Variants in CATSPERE observed in about 807,000 individuals in gnomAD.
The protein encoded by CATSPERE is cation channel sperm-associated auxiliary subunit epsilon.
CATSPERE carries 93 observed loss-of-function variants against 114.1 expected under a neutral mutation model. That is an observed-to-expected ratio of 0.81 (90% CI 0.69 to 0.97). The LOEUF is 0.97. Among genes scored for constraint, CATSPERE ranks in the 50% least tolerant of loss-of-function variants. The pLI, the probability that CATSPERE is intolerant of heterozygous loss-of-function variation, is 0.00. For synonymous variants in CATSPERE, 341 were observed against 384.1 expected, an observed-to-expected ratio of 0.89 and a Z score of 1.31; for missense variants, 1,058 against 1,131.6, an observed-to-expected ratio of 0.93 and a Z score of 0.93.
intron 3 of CATSPERE, 47 bp from the exon 4 acceptor site, chr1:244,477,859 T>C: frequency 7.2e-7 from 1 of 1,385,338 alleles, no homozygotes. Context: ...ATTTTATTAA[T>C]ATCATATGCA....
rs1309421786 is a variant in CATSPERE, at chr1:244,639,966, T to C, written c.2741T>C (p.Leu914Pro). The stretch of plus-strand genomic sequence containing the variant: ...CTGGTAGCTTCTTTCCTCTTCGTCC[T>C]GATGCTGCTCTTCTTCACTATTCTT... The part of the protein sequence containing the change: ...VYLVASFLFV[L>P]MLLFFTILVL... The change falls in exon 22 of 22, where the codon CTG (leucine) becomes CCG (proline). Residue 914 changes from leucine (L) to proline (P), a missense_variant. Physicochemically the swap from Leu to Pro is moderately conservative, Grantham distance 98. This residue lies in a region of CATSPERE where 787 missense variants were observed against 905.6 expected (regional missense o/e 0.87). Coordinates refer to ENST00000366534, the MANE Select transcript of CATSPERE (RefSeq NM_001130957.2). The C allele has an allele frequency of 6.4e-7, 1 of 1,550,924 alleles. No individual in the cohort carries two copies. Among genetic ancestry groups the C allele is most frequent in the Non-Finnish European group, 8.7e-7 (1 of 1,146,870 alleles).
intron 8 of CATSPERE, among the ~76,000 whole-genome samples, chr1:244,535,064 C>T (rs1181419477): frequency 6.6e-6 from 1 of 152,188 alleles, no homozygotes; most frequent in East Asian, 1.9e-4. Context: ...TCTGAATTAC[C>T]AGGCAAACAC....
At chr1:244,501,986 C>T (rs1043000519) in intron 7 of CATSPERE, among the ~76,000 whole-genome samples, 3 of 152,166 alleles carry the variant, frequency 2.0e-5, no homozygotes, top group Admixed American at 1.3e-4. Context: ...GCACATCAAC[C>T]GCGCAGCCAT....
intron 6 of CATSPERE, among the ~76,000 whole-genome samples, chr1:244,493,621 G>A (rs1160043070): frequency 6.6e-6 from 1 of 152,162 alleles, no homozygotes; most frequent in South Asian, 2.1e-4. Context: ...AAACTAAAGA[G>A]CTTCTGCACA....
At chr1:244,525,167 T>G (rs1678331728) in intron 8 of CATSPERE, among the ~76,000 whole-genome samples, 1 of 150,386 alleles carries the variant, frequency 6.6e-6, no homozygotes, top group Non-Finnish European at 1.5e-5. Flanking sequence ...CCATAAAAAA[T>G]GATGAGTTCA....
intron 20 of CATSPERE, 88 bp downstream of exon 20, chr1:244,617,774 A>G (rs1671584651): frequency 1.8e-6 from 2 of 1,113,598 alleles, no homozygotes; most frequent in South Asian, 3.6e-5. Context: ...ACATTCAATC[A>G]TTGTTATTCT....
intron 10 of CATSPERE, among the ~76,000 whole-genome samples, chr1:244,564,654 C>G (rs1572775997): frequency 6.6e-6 from 1 of 152,152 alleles, no homozygotes; most frequent in Non-Finnish European, 1.5e-5. Context: ...TGGGTTCAGA[C>G]AATGGGGTTT....
At chr1:244,566,423 G>A (rs892900029) in intron 10 of CATSPERE, among the ~76,000 whole-genome samples, 4 of 151,948 alleles carry the variant, frequency 2.6e-5, no homozygotes, top group Non-Finnish European at 2.9e-5. Context: ...TGACAGTGGG[G>A]TGTTTAAGTC....
intron 7 of CATSPERE, among the ~76,000 whole-genome samples, 165 bp downstream of exon 7, chr1:244,499,244 C>A (rs957440876): frequency 4.6e-5 from 7 of 152,186 alleles, no homozygotes; most frequent in Non-Finnish European, 1.5e-5. Context: ...TAGTTTTGAA[C>A]TTATGCTTAA....
intron 10 of CATSPERE, among the ~76,000 whole-genome samples, chr1:244,565,850 A>G (rs1220576088): frequency 6.6e-6 from 1 of 152,054 alleles, no homozygotes; most frequent in Non-Finnish European, 1.5e-5. Context: ...TTCTGCTCCA[A>G]TCTTAGCTAT....
At chr1:244,490,716 C>T (rs926191629) in intron 6 of CATSPERE, among the ~76,000 whole-genome samples, 2 of 152,054 alleles carry the variant, frequency 1.3e-5, no homozygotes, top group African/African-American at 2.4e-5. Context: ...TCACCAACAA[C>T]TTGGCTGAAG....
rs576744331 is a variant in CATSPERE at position 244,508,503 on chromosome 1, G to A, written c.429+9424G>A. On this transcript the variant is annotated intron_variant, in intron 7 of 21. Transcript: ENST00000366534. ...TTTTTAGTAGAGATGGGGTTTCACCGTGTTAGCCAGGATGGTCTCAATACC... is the reference window on the plus strand; with the variant it reads ...TTTTTAGTAGAGATGGGGTTTCACCATGTTAGCCAGGATGGTCTCAATACC... Among the ~76,000 whole-genome samples the A allele has an allele frequency of 1.6e-3, 244 of 151,472 alleles. 1 individual carries two copies. The highest frequency in any genetic ancestry group is 0.014 in the Middle Eastern group (4 of 294).
At chr1:244,527,502 T>C (rs1176361576) in intron 8 of CATSPERE, among the ~76,000 whole-genome samples, 1 of 152,218 alleles carries the variant, frequency 6.6e-6, no homozygotes, top group Non-Finnish European at 1.5e-5. Flanking sequence ...GATTTCATAT[T>C]GTTCAAACAC....
At position 244,572,434 on chromosome 1, in the gene CATSPERE, A is replaced by G; in HGVS notation, c.1612A>G (p.Thr538Ala). 6.2e-7 allele frequency: 1 copy of G among 1,611,016 alleles called. No individual in the cohort carries two copies. The highest frequency in any genetic ancestry group is 8.5e-7 in the Non-Finnish European group (1 of 1,177,100). ...VKLHLWTNYTTRAFIFLSTSG... is the reference protein window; with the variant it reads ...VKLHLWTNYTARAFIFLSTSG... ...GCTGCATTTATGGACAAATTACACAACAAGAGCATTCATTTTCTTAAGTAC... is the reference window on the plus strand; with the variant it reads ...GCTGCATTTATGGACAAATTACACAGCAAGAGCATTCATTTTCTTAAGTAC... Residue 538 changes from threonine to alanine, a missense_variant, in exon 11 of 22, where the codon ACA (threonine) becomes GCA (alanine). Physicochemically the swap from Thr to Ala is moderately conservative, Grantham distance 58 (BLOSUM62 0). This residue lies in a region of CATSPERE where 787 missense variants were observed against 905.6 expected (regional missense o/e 0.87). Transcript: ENST00000366534.
intron 11 of CATSPERE, among the ~76,000 whole-genome samples, chr1:244,580,448 A>G (rs2148607461): frequency 6.6e-6 from 1 of 152,162 alleles, no homozygotes; most frequent in South Asian, 2.1e-4. Context: ...AACTTCACGG[A>G]CTAATTATTG....
chr1:244,500,954 A>G (rs1426500799), intron 7 of CATSPERE, among the ~76,000 whole-genome samples: 1 of 152,152 alleles, frequency 6.6e-6, no homozygotes, highest in African/African-American at 2.4e-5. Flanking sequence ...CATTTTCACA[A>G]CATTGATTCT....
chr1:244,544,961 C>G (rs1163317650), intron 8 of CATSPERE, among the ~76,000 whole-genome samples: 1 of 152,220 alleles, frequency 6.6e-6, no homozygotes, highest in Non-Finnish European at 1.5e-5. Context: ...CCTTCAATGT[C>G]CTACCTCAAG....
At chr1:244,490,353 C>T in intron 5 of CATSPERE, 94 bp from the exon 6 acceptor site, 1 of 795,264 alleles carries the variant, frequency 1.3e-6, no homozygotes, top group Non-Finnish European at 2.0e-6. Flanking sequence ...AGAGAATATG[C>T]AAAGGTTTAG....
intron 8 of CATSPERE, among the ~76,000 whole-genome samples, chr1:244,541,646 C>T (rs1251482121): frequency 7.0e-6 from 1 of 141,900 alleles, no homozygotes; most frequent in Non-Finnish European, 1.5e-5. Context: ...ACCCAGCCAT[C>T]CCATTACTGG....
Sources: gnomAD v4.1 joint callset for allele counts (sites outside exome capture counted in the v4.1 genomes callset) on GRCh38, gnomAD v4.1.1 for gene constraint, gnomAD v4.1.1 regional missense constraint, MANE v1.5 for transcripts, NCBI Gene and HGNC (gene_info 2026-07-23, HGNC 2026-07-21) for gene names.